The following RIN3 variants were observed in gnomAD, a reference collection of about 807,000 sequenced individuals.
RIN3 encodes the protein Ras and Rab interactor 3.
Under a neutral mutation model 76.3 loss-of-function variants are expected in RIN3, and 54 were observed. That is an observed-to-expected ratio of 0.71 (90% CI 0.57 to 0.89). RIN3 has a LOEUF of 0.89. Ranked by LOEUF, RIN3 falls within the 40% of genes least tolerant of loss-of-function variation. The pLI is 0.00. For missense variants in RIN3, 1,256 were observed against 1,322.1 expected, an observed-to-expected ratio of 0.95 and a Z score of 0.78; for synonymous variants, 576 against 564.0, an observed-to-expected ratio of 1.02 and a Z score of -0.30.
chr14:92,614,757 G>A (rs554494123), intron 3 of RIN3, among the ~76,000 whole-genome samples: 48 of 150,538 alleles, frequency 3.2e-4, no homozygotes, highest in African/African-American at 1.1e-3. Context: ...GTAATTATGA[G>A]GCCTCACCAG....
chr14:92,587,097 C>T (rs949870527), intron 3 of RIN3, among the ~76,000 whole-genome samples: 5 of 152,116 alleles, frequency 3.3e-5, no homozygotes, highest in South Asian at 2.1e-4. Flanking sequence ...GACAACCACC[C>T]GAGGGTGTTA....
chr14:92,625,905 C>G (rs1226202597), intron 4 of RIN3, among the ~76,000 whole-genome samples: 2 of 152,132 alleles, frequency 1.3e-5, no homozygotes, highest in African/African-American at 4.8e-5. Context: ...CCTCTCTGGA[C>G]CGGTTTTTTG....
chr14:92,627,807 C>T (rs1431516177), intron 4 of RIN3, among the ~76,000 whole-genome samples: 1 of 152,124 alleles, frequency 6.6e-6, no homozygotes, highest in Non-Finnish European at 1.5e-5. Flanking sequence ...TGGGCAAGGC[C>T]CCAGATTGTT....
intron 4 of RIN3, among the ~76,000 whole-genome samples, chr14:92,631,804 A>G (rs144799972): frequency 1.9e-3 from 280 of 151,212 alleles, no homozygotes; most frequent in African/African-American, 6.4e-3. Context: ...GGGTTTCACC[A>G]TGTTGGTCAG....
intron 3 of RIN3, among the ~76,000 whole-genome samples, chr14:92,610,125 A>T (rs12887109): frequency 0.5 from 75,678 of 151,990 alleles, 19,690 homozygotes; most frequent in Admixed American, 0.61. Flanking sequence ...TGCAACCATC[A>T]TCACAGTCAG....
Position 92,641,347 on chromosome 14 carries a change from G to A in RIN3, c.532+18G>A, listed in dbSNP as rs773353018. Reference sequence around the variant, plus strand: ...GGGTCTGGGTGAGTCTTCTCCGAGGGGTTAGGGGAGCTGGTGGGGCGTTAG... The same window carrying A: ...GGGTCTGGGTGAGTCTTCTCCGAGGAGTTAGGGGAGCTGGTGGGGCGTTAG... On this transcript the variant is annotated intron_variant, in intron 5 of 9. Transcript: ENST00000216487. 3 of 1,592,832 alleles carry A rather than the reference G, an allele frequency of 1.9e-6. No individual in the cohort carries two copies. The highest frequency in any genetic ancestry group is 1.7e-5 in the Admixed American group (1 of 59,984).
chr14:92,633,486 G>T (rs931414999), intron 4 of RIN3, among the ~76,000 whole-genome samples: 6 of 152,218 alleles, frequency 3.9e-5, no homozygotes, highest in African/African-American at 1.4e-4. Flanking sequence ...CCTTGCCCTA[G>T]GAGAAATCTC....
At chr14:92,581,341 C>T (rs987589408) in intron 3 of RIN3, among the ~76,000 whole-genome samples, 6 of 152,142 alleles carry the variant, frequency 3.9e-5, no homozygotes, top group African/African-American at 1.2e-4. Context: ...TTCAGAGACT[C>T]GGCTGCCACC....
chr14:92,567,934 G>A (rs958751240), intron 2 of RIN3, among the ~76,000 whole-genome samples: 1 of 152,138 alleles, frequency 6.6e-6, no homozygotes, highest in Non-Finnish European at 1.5e-5. Context: ...AGGATTATAA[G>A]TTATTAAGTA....
At chr14:92,631,617 T>G (rs4900137) in intron 4 of RIN3, among the ~76,000 whole-genome samples, 133,362 of 151,586 alleles carry the variant, frequency 0.88, 58,745 homozygotes, top group African/African-American at 0.92. Context: ...GCGGCGGGAG[T>G]GGGGGTTGGA....
chr14:92,547,768 A>C (rs1176918577), intron 1 of RIN3, among the ~76,000 whole-genome samples: 2 of 152,060 alleles, frequency 1.3e-5, no homozygotes, highest in Non-Finnish European at 2.9e-5. Context: ...CAGTGGCACC[A>C]TCTCAGCTCA....
At chr14:92,687,696 A>G (rs1365218717) in intron 9 of RIN3, 4 of 516,252 alleles carry the variant, frequency 7.7e-6, no homozygotes, top group Non-Finnish European at 1.4e-5. Context: ...GGACTCCGAG[A>G]CGCGCCTTAA....
Position 92,562,187 on chromosome 14 carries a change from G to T in RIN3, c.249+6232G>T, listed in dbSNP as rs75213656. ...GGACTTGTCTGATGGTTAGACTGGG[G>T]TTAGGGGTTTGGGGAGGAAGACCAC... On this transcript the variant is annotated intron_variant, in intron 2 of 9. Transcript: ENST00000216487. 9.6e-3 allele frequency among the ~76,000 whole-genome samples: 1,461 copies of T among 152,322 alleles called. 13 individuals carry two copies. Among genetic ancestry groups the T allele is most frequent in the South Asian group, 0.023 (109 of 4,824 alleles).
intron 2 of RIN3, among the ~76,000 whole-genome samples, chr14:92,574,188 G>C (rs1379799691): frequency 6.6e-6 from 1 of 152,226 alleles, no homozygotes; most frequent in Non-Finnish European, 1.5e-5. Flanking sequence ...TGCAGAGAGA[G>C]GGGGTCCTGA....
chr14:92,606,648 A>G (rs1413689790), intron 3 of RIN3, among the ~76,000 whole-genome samples: 1 of 152,242 alleles, frequency 6.6e-6, no homozygotes, highest in Non-Finnish European at 1.5e-5. Context: ...CAATAAACAC[A>G]TGAAAAGACT....
chr14:92,627,839 T>C (rs986313135), intron 4 of RIN3, among the ~76,000 whole-genome samples: 6 of 152,204 alleles, frequency 3.9e-5, no homozygotes, highest in East Asian at 3.8e-4. Flanking sequence ...GTCAGTGCTG[T>C]GAAGTGAAAC....
At chr14:92,557,027 C>A (rs1384748035) in intron 2 of RIN3, among the ~76,000 whole-genome samples, 1 of 152,222 alleles carries the variant, frequency 6.6e-6, no homozygotes, top group Non-Finnish European at 1.5e-5. Context: ...CTCCCTCCCC[C>A]TTCTCCCCTC....
intron 7 of RIN3, among the ~76,000 whole-genome samples, chr14:92,674,411 T>C: frequency 6.6e-6 from 1 of 152,212 alleles, no homozygotes; most frequent in South Asian, 2.1e-4. Context: ...CTGGGCAACA[T>C]GGCGAAACCC....
At chr14:92,628,002 C>G (rs761873938) in intron 4 of RIN3, among the ~76,000 whole-genome samples, 14 of 152,186 alleles carry the variant, frequency 9.2e-5, no homozygotes, top group Admixed American at 3.3e-4. Flanking sequence ...TGTCCTCCCC[C>G]TGTGGGCTGG....
Sources: allele counts gnomAD v4.1 joint callset (sites outside exome capture counted in the v4.1 genomes callset), GRCh38; gene constraint gnomAD v4.1.1; transcripts MANE v1.5; gene names NCBI Gene and HGNC (gene_info 2026-07-23, HGNC 2026-07-21).